The following RBM20 variants were observed in gnomAD, a reference collection of about 807,000 sequenced individuals.
The protein encoded by RBM20 is RNA-binding protein 20.
A neutral mutation model predicts 110.1 loss-of-function variants in RBM20; 51 were observed. The ratio of observed to expected loss-of-function variants is 0.46; its 90% CI spans 0.37 to 0.59. The LOEUF is 0.59. RBM20 is among the 20% of genes least tolerant of loss of function. The pLI is 0.00. For synonymous variants in RBM20, 589 were observed against 618.2 expected (o/e 0.95, Z 0.70); for missense variants, 1,512 against 1,574.9 (o/e 0.96, Z 0.68).
chr10:110,664,422 T>A (rs1211742409), intron 1 of RBM20, among the ~76,000 whole-genome samples: 1 of 152,172 alleles, frequency 6.6e-6, no homozygotes. Flanking sequence ...TCAAATATAT[T>A]AACATGTGCA....
At position 110,644,380 on chromosome 10, in the gene RBM20, C is replaced by A; in HGVS notation, c.-75C>A. On this transcript the variant is annotated 5_prime_UTR_variant, in exon 1 of 14. Transcript: ENST00000369519. This position sits in a 1 kb window ranked among gnomAD's most constrained non-coding sequence, Gnocchi z 4.3. ...GGGGACTGGGCACGGGGACCCCGGCCAGTGAGCGCCCGTGGCCCGGGACCG... is the reference window on the plus strand; with the variant it reads ...GGGGACTGGGCACGGGGACCCCGGCAAGTGAGCGCCCGTGGCCCGGGACCG... The A allele has an allele frequency of 8.1e-7, 1 of 1,236,578 alleles. No homozygotes were observed. Among genetic ancestry groups the A allele is most frequent in the Non-Finnish European group, 1.1e-6 (1 of 951,490 alleles). 76.6% of individuals were successfully genotyped at this position (1,236,578 alleles called of 1,614,324 possible). A position where few individuals can be genotyped will look rare whatever the true frequency, so the allele number is the denominator to read the frequency against.
rs1214311876 is a variant in RBM20, at chr10:110,781,094, C to T, written c.485C>T (p.Thr162Ile). The T allele has an allele frequency of 1.9e-5, 29 of 1,551,884 alleles. No homozygotes were observed. The highest frequency in any genetic ancestry group is 1.7e-4 in the Middle Eastern group (1 of 6,014). ...CAACATGCTGCAGCCATACCCAGTA[C>T]CCGGTTTCCCTCTAATGCAATTGCC... ...VPQHAAAIPS[T>I]RFPSNAIAFS... is the part of the protein sequence containing the mutation. The change falls in exon 2 of 14, where the codon ACC becomes ATC. Residue 162 changes from threonine to isoleucine, a missense_variant. Physicochemically the swap from Thr to Ile is moderately conservative, Grantham distance 89. This residue lies in a region of RBM20 where 1,149 missense variants were observed against 1,169.4 expected (regional missense o/e 0.98). Transcript: ENST00000369519.
intron 10 of RBM20, 126 bp from the exon 11 acceptor site, chr10:110,821,149 T>C (rs1303836540): frequency 2.6e-6 from 2 of 776,538 alleles, no homozygotes; most frequent in Non-Finnish European, 4.1e-6. Context: ...TCACAGTAAT[T>C]GTACCAGGTA....
At chr10:110,793,133 G>A (rs898308361) in intron 5 of RBM20, among the ~76,000 whole-genome samples, 6 of 152,142 alleles carry the variant, frequency 3.9e-5, no homozygotes, top group African/African-American at 1.2e-4. Context: ...CCAGACGTGG[G>A]GAAACTAAGG....
At chr10:110,831,682 A>AACAAC (rs1564668247) in intron 13 of RBM20, among the ~76,000 whole-genome samples, 1 of 136,472 alleles carries the variant, frequency 7.3e-6, no homozygotes, top group Non-Finnish European at 1.6e-5. Flanking sequence ...AAAAAAAAAA[A>AACAAC]AAAAAAAAAC....
In RBM20 at chr10:110,781,304, G is replaced by A. The variant is rs61735268; in HGVS notation, c.695G>A (p.Gly232Asp). Residue 232 changes from glycine (G) to aspartate (D), a missense_variant, in exon 2 of 14, where the codon GGC becomes GAC. Physicochemically the swap from Gly to Asp is moderately conservative, Grantham distance 94. Around this residue, in one of 3 missense-constraint regions of RBM20, gnomAD observed 1,149 missense variants for 1,169.4 expected, o/e 0.98. Coordinates refer to ENST00000369519, the MANE Select transcript of RBM20 (RefSeq NM_001134363.3). ...GCTACAGCAGGATTCTATGAGTATGGCAAAGCCAGCTCTGGCCAGACATAT... is the reference window on the plus strand; with the variant it reads ...GCTACAGCAGGATTCTATGAGTATGACAAAGCCAGCTCTGGCCAGACATAT... The part of the protein sequence containing the change: ...APATAGFYEY[G>D]KASSGQTYGP... The A allele has an allele frequency of 5.1e-3, 7,858 of 1,551,646 alleles. 236 individuals carry two copies. In the African/African-American group the frequency reaches 0.075, roughly 15 times the overall value.
chr10:110,729,221 T>C (rs149971047), intron 1 of RBM20, among the ~76,000 whole-genome samples: 112 of 152,310 alleles, frequency 7.4e-4, no homozygotes, highest in Middle Eastern at 3.4e-3. Flanking sequence ...AATTTTAACC[T>C]CAATAATCCT....
intron 1 of RBM20, among the ~76,000 whole-genome samples, chr10:110,695,431 T>C (rs565918633): frequency 6.6e-6 from 1 of 152,110 alleles, no homozygotes; most frequent in Non-Finnish European, 1.5e-5. Context: ...TTCAGAGCAG[T>C]GTGTTTGTCT....
chr10:110,831,228 C>A, intron 13 of RBM20, 46 bp downstream of exon 13: 1 of 1,535,988 alleles, frequency 6.5e-7, no homozygotes, highest in South Asian at 1.2e-5. Context: ...GCTCCCCAGT[C>A]TCCATAACCG....
At chr10:110,822,027 T>A in intron 11 of RBM20, 92 bp downstream of exon 11, 1 of 1,272,152 alleles carries the variant, frequency 7.9e-7, no homozygotes, top group Admixed American at 2.0e-5. Context: ...GGAATGAACA[T>A]AAGTAAGGTT....
intron 1 of RBM20, among the ~76,000 whole-genome samples, chr10:110,674,665 G>A (rs1862311288): frequency 6.6e-6 from 1 of 152,230 alleles, no homozygotes; most frequent in Non-Finnish European, 1.5e-5. Flanking sequence ...GGTAATAAGT[G>A]CAGGCGTTAA....
At chr10:110,725,646 G>A (rs963913496) in intron 1 of RBM20, among the ~76,000 whole-genome samples, 1 of 152,168 alleles carries the variant, frequency 6.6e-6, no homozygotes. Context: ...AGAGGTGCAG[G>A]CTTTAAAAAA....
chr10:110,669,402 A>G (rs1296370492), intron 1 of RBM20, among the ~76,000 whole-genome samples: 1 of 152,188 alleles, frequency 6.6e-6, no homozygotes, highest in Non-Finnish European at 1.5e-5. Context: ...AATAAACTTG[A>G]AGTAAGACGT....
At chr10:110,665,545 A>G (rs1414276476) in intron 1 of RBM20, among the ~76,000 whole-genome samples, 1 of 152,234 alleles carries the variant, frequency 6.6e-6, no homozygotes, top group African/African-American at 2.4e-5. Flanking sequence ...GGTTATCTGT[A>G]GATTAAAAAG....
At chr10:110,721,504 C>A (rs1008370576) in intron 1 of RBM20, among the ~76,000 whole-genome samples, 1 of 152,222 alleles carries the variant, frequency 6.6e-6, no homozygotes, top group Non-Finnish European at 1.5e-5. Context: ...GGTGAGTGTG[C>A]GCATGTCTGT....
intron 1 of RBM20, among the ~76,000 whole-genome samples, chr10:110,753,938 C>G (rs1843891363): frequency 6.6e-6 from 1 of 152,188 alleles, no homozygotes; most frequent in African/African-American, 2.4e-5. Context: ...CCTCTTTGGC[C>G]TGTATAACAC....
chr10:110,705,635 C>T (rs1011018041), intron 1 of RBM20, among the ~76,000 whole-genome samples: 3 of 152,166 alleles, frequency 2.0e-5, no homozygotes, highest in African/African-American at 7.2e-5. Context: ...CATGTAAATA[C>T]CATGCTTATG....
chr10:110,665,163 C>G (rs1862158828), intron 1 of RBM20, among the ~76,000 whole-genome samples: 1 of 152,130 alleles, frequency 6.6e-6, no homozygotes, highest in Non-Finnish European at 1.5e-5. Flanking sequence ...GCATGAGTCA[C>G]CATGACCAGT....
At chr10:110,765,623 T>C (rs1044468105) in intron 1 of RBM20, among the ~76,000 whole-genome samples, 1 of 152,166 alleles carries the variant, frequency 6.6e-6, no homozygotes, top group African/African-American at 2.4e-5. Context: ...CAACCAAACA[T>C]GACTCACCTC....
Sources: gnomAD v4.1 joint callset for allele counts (sites outside exome capture counted in the v4.1 genomes callset) on GRCh38, gnomAD v4.1.1 for gene constraint, gnomAD v4.1.1 regional missense constraint, Gnocchi (gnomAD v3.1) non-coding constraint, MANE v1.5 for transcripts, NCBI Gene and HGNC (gene_info 2026-07-23, HGNC 2026-07-21) for gene names.